Variants in VWA8 observed in about 807,000 individuals in gnomAD.
VWA8 encodes von Willebrand factor A domain containing 8.
A neutral mutation model predicts 241.5 loss-of-function variants in VWA8; 221 were observed. That is an observed-to-expected ratio of 0.91 (90% CI 0.82 to 1.02). The LOEUF is 1.02. Ranked by LOEUF, VWA8 falls within the 50% of genes least tolerant of loss-of-function variation. VWA8 has a pLI of 0.00. For synonymous variants in VWA8, 852 were observed against 827.1 expected (o/e 1.03, Z -0.52); for missense variants, 2,322 against 2,328.7 (o/e 1.00, Z 0.06).
chr13:41,938,895 T>G (rs752403333), intron 2 of VWA8, among the ~76,000 whole-genome samples: 1 of 152,214 alleles, frequency 6.6e-6, no homozygotes, highest in Non-Finnish European at 1.5e-5. Flanking sequence ...TGTTCTATAT[T>G]ATCTATATTT....
At chr13:41,609,134 C>CA (rs1328234112) in intron 39 of VWA8, among the ~76,000 whole-genome samples, 1 of 151,806 alleles carries the variant, frequency 6.6e-6, no homozygotes, top group Non-Finnish European at 1.5e-5. Context: ...TACTAGAGCA[C>CA]AAAACAGATG....
At chr13:41,796,709 C>G (rs549354369) in intron 17 of VWA8, among the ~76,000 whole-genome samples, 5 of 151,058 alleles carry the variant, frequency 3.3e-5, no homozygotes, top group African/African-American at 4.9e-5. Flanking sequence ...TAGTCTGTAA[C>G]TTTTTACTAA....
chr13:41,758,419 T>TAC (rs1381581013), intron 21 of VWA8, among the ~76,000 whole-genome samples: 2 of 66,648 alleles, frequency 3.0e-5, no homozygotes, highest in African/African-American at 9.4e-5. Flanking sequence ...TATATATATA[T>TAC]ATATATATAT....
At chr13:41,748,134 C>G (rs1362189807) in intron 21 of VWA8, among the ~76,000 whole-genome samples, 1 of 152,110 alleles carries the variant, frequency 6.6e-6, no homozygotes, top group African/African-American at 2.4e-5. Flanking sequence ...GGGAGGATTC[C>G]CTCTTTTTCT....
Position 41,727,586 on chromosome 13 carries a change from TGTAG to T in VWA8, c.2639-277_2639-274del, listed in dbSNP as rs1295732088. ...CTAAAAAAAAGCAACCTTGTCCAAA[TGTAG>T]ACTTACAGTACTTAAGCCTGGCTTG... is the stretch of plus-strand genomic sequence containing the variant. On this transcript the variant is annotated intron_variant, in intron 23 of 44. Transcript: ENST00000379310. 2.3e-4 allele frequency among the ~76,000 whole-genome samples: 35 copies of T among 152,246 alleles called. No individual in the cohort carries two copies. In the East Asian group the frequency reaches 6.8e-3, roughly 29 times the overall value.
intron 9 of VWA8, among the ~76,000 whole-genome samples, chr13:41,876,450 G>A (rs371000224): frequency 7.2e-5 from 11 of 152,080 alleles, no homozygotes; most frequent in African/African-American, 1.7e-4. Flanking sequence ...CTGCCTCAGC[G>A]TTTTTATACT....
chr13:41,744,244 G>C (rs889415345), intron 21 of VWA8, among the ~76,000 whole-genome samples: 1 of 152,194 alleles, frequency 6.6e-6, no homozygotes, highest in African/African-American at 2.4e-5. Context: ...TCACCTAAAA[G>C]CTGTCCCTCT....
intron 13 of VWA8, among the ~76,000 whole-genome samples, chr13:41,830,880 A>G (rs929991507): frequency 2.0e-5 from 3 of 151,994 alleles, no homozygotes; most frequent in African/African-American, 7.3e-5. Flanking sequence ...AAAGAGGGGG[A>G]GGAGGAGGAA....
At chr13:41,788,156 C>A (rs552148119) in intron 17 of VWA8, among the ~76,000 whole-genome samples, 2 of 152,276 alleles carry the variant, frequency 1.3e-5, no homozygotes, top group East Asian at 3.9e-4. Context: ...CCCACCTACA[C>A]AAATAAAGCT....
chr13:41,940,366 G>A (rs1877542128), intron 2 of VWA8, among the ~76,000 whole-genome samples: 1 of 151,758 alleles, frequency 6.6e-6, no homozygotes, highest in South Asian at 2.1e-4. Context: ...AAGTAAGAGG[G>A]TATCAAACTT....
intron 37 of VWA8, among the ~76,000 whole-genome samples, chr13:41,636,778 A>G (rs893738365): frequency 3.3e-5 from 5 of 152,266 alleles, no homozygotes; most frequent in African/African-American, 9.6e-5. Context: ...ACTTTTCAGA[A>G]GAAGACATTT....
At chr13:41,804,372 G>A (rs895570175) in intron 17 of VWA8, among the ~76,000 whole-genome samples, 6 of 152,006 alleles carry the variant, frequency 3.9e-5, no homozygotes, top group African/African-American at 1.4e-4. Context: ...TTAAAGTGCT[G>A]AAGGAAAAAG....
Position 41,777,250 on chromosome 13 carries a change from T to G in VWA8, c.2349+735A>C, listed in dbSNP as rs549193767. Among the ~76,000 whole-genome samples the G allele has an allele frequency of 5.7e-4, 86 of 152,138 alleles. 2 individuals are homozygous for G. The South Asian group carries it at 0.017, about 30-fold the overall frequency. The stretch of plus-strand genomic sequence containing the variant: ...AGACAGTCATATGGTATGACTAGTA[T>G]GACAAAAGGGAGATAAAAGGGAGTA... On this transcript the variant is annotated intron_variant, in intron 20 of 44. Transcript: ENST00000379310.
intron 9 of VWA8, among the ~76,000 whole-genome samples, chr13:41,870,571 G>C (rs1277455768): frequency 1.3e-5 from 2 of 151,442 alleles, no homozygotes; most frequent in African/African-American, 4.9e-5. Flanking sequence ...CCCAGGAAGA[G>C]GAGGTTGCAG....
intron 24 of VWA8, among the ~76,000 whole-genome samples, chr13:41,723,774 G>A (rs545554702): frequency 1.4e-5 from 2 of 139,790 alleles, no homozygotes; most frequent in East Asian, 4.1e-4. Flanking sequence ...AGATACAGGA[G>A]CTATTGAACT....
chr13:41,918,441 G>A (rs890240405), intron 2 of VWA8, among the ~76,000 whole-genome samples: 2 of 152,116 alleles, frequency 1.3e-5, no homozygotes, highest in African/African-American at 4.8e-5. Flanking sequence ...TTTTGTGTAA[G>A]GGTACAAAAA....
intron 21 of VWA8, among the ~76,000 whole-genome samples, chr13:41,734,336 T>TAA (rs796849369): frequency 6.6e-6 from 1 of 150,642 alleles, no homozygotes; most frequent in Non-Finnish European, 1.5e-5. Flanking sequence ...AGACTCCGTC[T>TAA]AAAAAAAAAC....
intron 12 of VWA8, 121 bp downstream of exon 12, chr13:41,865,615 A>G (rs1873252247): frequency 1.0e-6 from 1 of 966,842 alleles, no homozygotes; most frequent in Non-Finnish European, 1.5e-6. Context: ...TTTTATTACT[A>G]TTTTGGTTCT....
At chr13:41,921,333 A>G (rs1341674521) in intron 2 of VWA8, among the ~76,000 whole-genome samples, 1 of 152,256 alleles carries the variant, frequency 6.6e-6, no homozygotes, top group African/African-American at 2.4e-5. Context: ...CCAACATCAT[A>G]CTGAATGGGC....
Sources: gnomAD v4.1 joint callset for allele counts (sites outside exome capture counted in the v4.1 genomes callset) on GRCh38, gnomAD v4.1.1 for gene constraint, MANE v1.5 for transcripts, NCBI Gene and HGNC (gene_info 2026-07-23, HGNC 2026-07-21) for gene names.